MDGA1: variants seen among roughly 807,000 people sequenced by gnomAD.
MDGA1 encodes MAM domain-containing glycosylphosphatidylinositol anchor protein 1.
A neutral mutation model predicts 101.5 loss-of-function variants in MDGA1; 54 were observed. The observed-to-expected ratio is 0.53, with a 90% confidence interval of 0.43 to 0.67. The LOEUF is 0.67. Ranked by LOEUF, MDGA1 falls within the 30% of genes least tolerant of loss-of-function variation. The probability of loss-of-function intolerance (pLI) is 0.00; values close to 1 mark genes in which losing one functional copy is unlikely to be tolerated. For synonymous variants in MDGA1, 533 were observed against 558.3 expected (o/e 0.95, Z 0.64); for missense variants, 1,083 against 1,323.8 (o/e 0.82, Z 2.82).
intron 8 of MDGA1, among the ~76,000 whole-genome samples, chr6:37,649,717 C>T (rs1324857957): frequency 6.6e-6 from 1 of 152,150 alleles, no homozygotes; most frequent in African/African-American, 2.4e-5. Context: ...TATTATAGGG[C>T]TGTGGGGGGT....
At chr6:37,663,903 A>G in intron 2 of MDGA1, 64 bp downstream of exon 2, 1 of 1,581,914 alleles carries the variant, frequency 6.3e-7, no homozygotes, top group South Asian at 1.1e-5. Context: ...GCCTCTTCTT[A>G]AGTGCTGAGC....
rs183342232 is a variant in MDGA1 at position 37,635,425 on chromosome 6, C to T, written c.*1943G>A. On this transcript the variant is annotated 3_prime_UTR_variant, in exon 17 of 17. Transcript: ENST00000434837. ...CAGTTAAGGAACAATACCCGACAGA[C>T]GCGATGGAAGTGTATGCTGAGAACC... The T allele has an allele frequency of 1.4e-4, 57 of 398,646 alleles. 1 individual carries two copies. The Admixed American group carries it at 1.8e-3, about 13-fold the overall frequency. The allele number at this position is 398,646 out of a possible 1,614,324, so 24.7% of individuals were successfully genotyped here. A position where few individuals can be genotyped will look rare whatever the true frequency, so the allele number is the denominator to read the frequency against.
At position 37,658,347 on chromosome 6, in the gene MDGA1, G is replaced by T. The variant is rs1327917945; in HGVS notation, c.280C>A (p.Arg94Ser). The T allele has an allele frequency of 1.9e-6, 3 of 1,613,050 alleles. No individual in the cohort carries two copies. The highest frequency in any genetic ancestry group is 2.5e-6 in the Non-Finnish European group (3 of 1,179,658). Residue 94 changes from arginine to serine, a missense_variant, in exon 3 of 17, where the codon CGC becomes AGC. Coordinates refer to ENST00000434837, the MANE Select transcript of MDGA1 (RefSeq NM_153487.4). The part of the protein sequence containing the change: ...QETSVFNETL[R>S]IERIARTQGG... ...TGCGTGCGTGCAATACGCTCGATGC[G>T]CAGCGTCTCGTTGAACACCGATGTC...
Position 37,638,989 on chromosome 6 carries a change from A to G in MDGA1, c.2537-322T>C, listed in dbSNP as rs1209261299. 2 of 267,042 alleles carry G rather than the reference A, an allele frequency of 7.5e-6. No homozygotes were observed. The highest frequency in any genetic ancestry group is 4.3e-5 in the African/African-American group (2 of 46,176). 16.5% of individuals were successfully genotyped at this position (267,042 alleles called of 1,614,324 possible). On this transcript the variant is annotated intron_variant, in intron 14 of 16. Coordinates refer to ENST00000434837, the MANE Select transcript of MDGA1 (RefSeq NM_153487.4). This position sits in a 1 kb window ranked among gnomAD's most constrained non-coding sequence, Gnocchi z 4.8. ...ACACCCTACCCTTCCCCTCTAGGCAAGGGAGCTGTCCCAGGGCAGTGGGAC... is the reference window on the plus strand; with the variant it reads ...ACACCCTACCCTTCCCCTCTAGGCAGGGGAGCTGTCCCAGGGCAGTGGGAC...
At chr6:37,680,821 G>T (rs191057682) in intron 1 of MDGA1, among the ~76,000 whole-genome samples, 189 of 152,370 alleles carry the variant, frequency 1.2e-3, no homozygotes, top group African/African-American at 4.3e-3. Context: ...CGGGCGCAGC[G>T]GGTGAGCGCA....
At chr6:37,663,741 A>G (rs967377692) in intron 2 of MDGA1, among the ~76,000 whole-genome samples, 12 of 152,108 alleles carry the variant, frequency 7.9e-5, no homozygotes, top group Non-Finnish European at 1.5e-4. Flanking sequence ...CCGGCATTCC[A>G]TTTTTCCCCT....
At chr6:37,681,017 T>A (rs1324824721) in intron 1 of MDGA1, among the ~76,000 whole-genome samples, 1 of 149,414 alleles carries the variant, frequency 6.7e-6, no homozygotes, top group Non-Finnish European at 1.5e-5. Flanking sequence ...CCAGGAAACC[T>A]GGGCAGGACC....
chr6:37,646,439 G>A (rs996293806), intron 10 of MDGA1, 64 bp from the exon 11 acceptor site: 1 of 1,373,608 alleles, frequency 7.3e-7, no homozygotes, highest in East Asian at 2.6e-5. Flanking sequence ...TCATCTGTGA[G>A]ACAGGACAAT....
rs534838443 is a variant in MDGA1 at position 37,638,014 on chromosome 6, A to C, written c.2776+191T>G. The C allele has an allele frequency of 1.3e-4, 78 of 617,146 alleles. 1 individual carries two copies. Among genetic ancestry groups the C allele is most frequent in the Non-Finnish European group, 5.3e-5 (18 of 337,762 alleles). The allele number at this position is 617,146 out of a possible 1,614,324, so 38.2% of individuals were successfully genotyped here. A position where few individuals can be genotyped will look rare whatever the true frequency, so the allele number is the denominator to read the frequency against. On this transcript the variant is annotated intron_variant, in intron 16 of 16. Coordinates refer to ENST00000434837, the MANE Select transcript of MDGA1 (RefSeq NM_153487.4). The surrounding 1 kb of genome is among the most constrained non-coding windows in gnomAD (Gnocchi z 4.8). The stretch of plus-strand genomic sequence containing the variant: ...CACGAGGGTGGGGGCCAGGCTTCTC[A>C]TTGTTTACACAAGTACACAGCCTGA...
At chr6:37,675,233 C>T (rs796131804) in intron 1 of MDGA1, among the ~76,000 whole-genome samples, 7 of 152,254 alleles carry the variant, frequency 4.6e-5, no homozygotes, top group African/African-American at 1.7e-4. Context: ...CTACCTTTTA[C>T]TCAGTGACCA....
intron 14 of MDGA1, chr6:37,641,864 A>C (rs1764090598): frequency 6.6e-6 from 1 of 152,156 alleles, no homozygotes; most frequent in Non-Finnish European, 1.5e-5. Context: ...GATCTGTGCA[A>C]ATGGTTTGGG....
chr6:37,647,201 A>G lies in MDGA1; in HGVS notation c.2018T>C (p.Val673Ala). 6.3e-7 allele frequency: 1 copy of G among 1,598,010 alleles called. No individual in the cohort carries two copies. Among genetic ancestry groups the G allele is most frequent in the Non-Finnish European group, 8.5e-7 (1 of 1,172,500 alleles). Reference sequence around the variant, plus strand: ...GCGGATGCTGAGTCTGTAGTTGAGCACAGGGTCGACAGCGTCGGGCTCCCT... The same window carrying G: ...GCGGATGCTGAGTCTGTAGTTGAGCGCAGGGTCGACAGCGTCGGGCTCCCT... ...TQREPDAVDP[V>A]LNYRLSIRQL... is the part of the protein sequence containing the mutation. The change falls in exon 10 of 17, where the codon GTG (valine) becomes GCG (alanine). Residue 673 changes from valine to alanine, a missense_variant. Val to Ala is a moderately conservative substitution (Grantham distance 64). Around this residue, in one of 3 missense-constraint regions of MDGA1, gnomAD observed 657 missense variants for 771.4 expected, o/e 0.85. Coordinates refer to ENST00000434837, the MANE Select transcript of MDGA1 (RefSeq NM_153487.4).
chr6:37,693,945 G>A (rs953613024), intron 1 of MDGA1, among the ~76,000 whole-genome samples: 34 of 152,146 alleles, frequency 2.2e-4, no homozygotes, highest in Admixed American at 6.5e-4. Context: ...GGCAGGTGGT[G>A]GACCTCAGTG....
At chr6:37,671,706 T>C (rs1483444625) in intron 1 of MDGA1, among the ~76,000 whole-genome samples, 3 of 152,172 alleles carry the variant, frequency 2.0e-5, no homozygotes, top group Admixed American at 2.0e-4. Flanking sequence ...GAATTCTCAC[T>C]GTAATGGGGG....
rs75350172 is a variant in MDGA1, at chr6:37,650,217, G to A, written c.1501C>T (p.Leu501=). The change falls in exon 8 of 17, where the codon CTG becomes TTG. Residue 501 remains leucine (L), a synonymous_variant. Coordinates refer to ENST00000434837, the MANE Select transcript of MDGA1 (RefSeq NM_153487.4). ...CTCATGTCTCGGCTCACTCGCTCCA[G>A]CCGCAGCTTCCCGTCCGGAGTCTCC... ...LEETPDGKLR[L]ERVSRDMSGT... is the part of the protein sequence containing the mutation. 602 of 1,612,184 alleles carry A rather than the reference G, an allele frequency of 3.7e-4. 6 individuals carry two copies. In the East Asian group the frequency reaches 0.013, roughly 34 times the overall value.
At chr6:37,692,685 C>A (rs953913093) in intron 1 of MDGA1, among the ~76,000 whole-genome samples, 1 of 151,790 alleles carries the variant, frequency 6.6e-6, no homozygotes, top group Non-Finnish European at 1.5e-5. Flanking sequence ...CACCCCCCTT[C>A]CCCCCCAGCC....
In MDGA1 at chr6:37,697,021, C is replaced by A. The variant is rs999360441; in HGVS notation, c.-210G>T. The A allele has an allele frequency of 9.2e-6, 5 of 540,682 alleles. No individual in the cohort carries two copies. The highest frequency in any genetic ancestry group is 7.9e-5 in the African/African-American group (4 of 50,598). The allele number at this position is 540,682 out of a possible 1,614,324, so 33.5% of individuals were successfully genotyped here. ...CGGGGCCGCTGCCCGCGTGGGGACGCAGGGGGCGCTGGCCCAGCCCCGGGT... is the reference window on the plus strand; with the variant it reads ...CGGGGCCGCTGCCCGCGTGGGGACGAAGGGGGCGCTGGCCCAGCCCCGGGT... On this transcript the variant is annotated 5_prime_UTR_variant, in exon 1 of 17. Coordinates refer to ENST00000434837, the MANE Select transcript of MDGA1 (RefSeq NM_153487.4).
intron 14 of MDGA1, chr6:37,642,023 GA>G (rs1172751831): frequency 6.6e-6 from 1 of 151,984 alleles, no homozygotes; most frequent in Non-Finnish European, 1.5e-5. Context: ...TACGGCTGAG[GA>G]AAACAGTGAA....
rs571336947 is a variant in MDGA1, at chr6:37,631,182, T to A, written c.*6186A>T. On this transcript the variant is annotated 3_prime_UTR_variant, in exon 17 of 17. Transcript: ENST00000434837. The stretch of plus-strand genomic sequence containing the variant: ...ATGATGATCCTAGAGCTACCTTGAA[T>A]CCAAAATGCCCATCTGGTTCAGGAA... 1.3e-5 allele frequency: 2 copies of A among 152,164 alleles called. No individual in the cohort carries two copies. The highest frequency in any genetic ancestry group is 2.9e-5 in the Non-Finnish European group (2 of 68,034). The allele number at this position is 152,164 out of a possible 1,614,324, so 9.4% of individuals were successfully genotyped here.
Sources: allele counts gnomAD v4.1 joint callset (sites outside exome capture counted in the v4.1 genomes callset), GRCh38; gene constraint gnomAD v4.1.1; regional missense constraint gnomAD v4.1.1; non-coding constraint Gnocchi (gnomAD v3.1); transcripts MANE v1.5; gene names NCBI Gene and HGNC (gene_info 2026-07-23, HGNC 2026-07-21).